The following NBEAL2 variants were observed in gnomAD, a reference collection of about 807,000 sequenced individuals.
NBEAL2 encodes the protein neurobeachin-like protein 2.
NBEAL2 carries 160 observed loss-of-function variants against 299.8 expected under a neutral mutation model. That is an observed-to-expected ratio of 0.53 (90% confidence interval 0.47 to 0.61). The LOEUF is 0.61. Among genes scored for constraint, NBEAL2 ranks in the 20% least tolerant of loss-of-function variants. The pLI is 0.00. For synonymous variants in NBEAL2, 1,493 were observed against 1,542.3 expected (o/e 0.97, Z 0.75); for missense variants, 3,112 against 3,649.0 (o/e 0.85, Z 3.79).
Position 46,996,609 on chromosome 3 carries a change from A to T in NBEAL2, c.2473+17A>T. On this transcript the variant is annotated intron_variant, in intron 16 of 53. Transcript: ENST00000450053. The stretch of plus-strand genomic sequence containing the variant: ...GCACCCTGGGTATGCAGCATTCTCC[A>T]TCTCTGCCACAGCCCCAGGCCAGAA... The T allele has an allele frequency of 6.6e-7, 1 of 1,517,194 alleles. No individual in the cohort carries two copies. The highest frequency in any genetic ancestry group is 8.8e-7 in the Non-Finnish European group (1 of 1,131,884). 94.0% of individuals were successfully genotyped at this position (1,517,194 alleles called of 1,614,324 possible).
In NBEAL2 at chr3:46,995,499, G is replaced by A. The variant is rs776191203; in HGVS notation, c.1764G>A (p.Ala588=). The change falls in exon 13 of 54, where the codon GCG becomes GCA. Residue 588 remains alanine (A), a synonymous_variant. Transcript: ENST00000450053. ...ACTTTGACCTCACGCCCAGCATGGC[G>A]GGCATCATGGTACCCCCTGTACAGC... ...LRYFDLTPSM[A]GIMVPPVQRW... The A allele has an allele frequency of 1.4e-4, 231 of 1,612,762 alleles. No individual in the cohort carries two copies. Among genetic ancestry groups the A allele is most frequent in the Non-Finnish European group, 1.8e-4 (215 of 1,179,900 alleles).
In NBEAL2 at chr3:47,002,268, C is replaced by T. The variant is rs769702311; in HGVS notation, c.5131C>T (p.Arg1711Cys). The T allele has an allele frequency of 8.3e-6, 13 of 1,564,226 alleles. No individual in the cohort carries two copies. The highest frequency in any genetic ancestry group is 3.6e-5 in the South Asian group (3 of 83,920). Residue 1711 changes from arginine to cysteine, a missense_variant, in exon 31 of 54, where the codon CGC (arginine) becomes TGC (cysteine). Around this residue, in one of 3 missense-constraint regions of NBEAL2, gnomAD observed 2,243 missense variants for 2,538.1 expected, o/e 0.88. Transcript: ENST00000450053. ...FQAFCATPEW[R>C]HFIDKQVQPT... ...GGCTTTTTGTGCCACACCCGAATGGCGCCACTTCATCGACAAACAGGTGCC... is the reference window on the plus strand; with the variant it reads ...GGCTTTTTGTGCCACACCCGAATGGTGCCACTTCATCGACAAACAGGTGCC...
Position 46,991,562 on chromosome 3 carries a change from C to T in NBEAL2, c.799C>T (p.Pro267Ser), listed in dbSNP as rs535711389. The change falls in exon 8 of 54, where the codon CCT becomes TCT. Residue 267 changes from proline to serine, a missense_variant. Coordinates refer to ENST00000450053, the MANE Select transcript of NBEAL2 (RefSeq NM_015175.3). The surrounding 1 kb of genome is among the most constrained non-coding windows in gnomAD (Gnocchi z 6.2). ...CCATGTCTTGCATGCCAGCCGCGCACCTCCTCGTGGCCCAGAGCTTCGTGC... is the reference window on the plus strand; with the variant it reads ...CCATGTCTTGCATGCCAGCCGCGCATCTCCTCGTGGCCCAGAGCTTCGTGC... ...AVHVLHASRA[P>S]PRGPELRALL... is the part of the protein sequence containing the mutation. The T allele has an allele frequency of 1.4e-5, 22 of 1,604,364 alleles. No homozygotes were observed. The highest frequency in any genetic ancestry group is 1.7e-5 in the Non-Finnish European group (20 of 1,179,850).
chr3:47,005,646 C>G lies in NBEAL2; in HGVS notation c.6691+27C>G, dbSNP rs970463709. The G allele has an allele frequency of 3.1e-6, 5 of 1,613,076 alleles. No homozygotes were observed. The African/African-American group carries it at 6.7e-5, about 22-fold the overall frequency. The stretch of plus-strand genomic sequence containing the variant: ...TAGGTGTGAGGTGCTCACACTGGAG[C>G]GGGCAGGTGTAGGGATGGAGAGCAG... On this transcript the variant is annotated intron_variant, in intron 41 of 53. Transcript: ENST00000450053.
At position 47,007,659 on chromosome 3, in the gene NBEAL2, C is replaced by A. The variant is rs988120087; in HGVS notation, c.7469C>A (p.Pro2490His). ...WDGSLRVTAL[P>H]RGKLLSQLSC... ...GGCAGCCTGCGGGTGACTGCACTAC[C>A]CCGTGGCAAGCTGTTGAGCCAGCTC... The change falls in exon 48 of 54, where the codon CCC (proline) becomes CAC (histidine). Residue 2490 changes from proline to histidine, a missense_variant. Pro to His is a moderately conservative substitution (Grantham distance 77). Coordinates refer to ENST00000450053, the MANE Select transcript of NBEAL2 (RefSeq NM_015175.3). 1 of 1,610,524 alleles carries A rather than the reference C, an allele frequency of 6.2e-7. No homozygotes were observed. The highest frequency in any genetic ancestry group is 8.5e-7 in the Non-Finnish European group (1 of 1,178,376).
Position 46,989,729 on chromosome 3 carries a change from A to C in NBEAL2, c.556+136A>C. ...GACTGGGAGAACCAAAGACCAAGCA[A>C]GAGTTTAGGGACAGAGACAAGAGAA... On this transcript the variant is annotated intron_variant, in intron 6 of 53. Transcript: ENST00000450053. This position sits in a 1 kb window ranked among gnomAD's most constrained non-coding sequence, Gnocchi z 5.5. 1 of 811,770 alleles carries C rather than the reference A, an allele frequency of 1.2e-6. No individual in the cohort carries two copies. Among genetic ancestry groups the C allele is most frequent in the Non-Finnish European group, 2.0e-6 (1 of 488,526 alleles). The allele number at this position is 811,770 out of a possible 1,614,324, so 50.3% of individuals were successfully genotyped here.
Position 46,998,044 on chromosome 3 carries a change from C to T in NBEAL2, c.2959-23C>T, listed in dbSNP as rs1230615343. 4 of 1,549,860 alleles carry T rather than the reference C, an allele frequency of 2.6e-6. No individual in the cohort carries two copies. The Admixed American group carries it at 5.8e-5, about 23-fold the overall frequency. On this transcript the variant is annotated intron_variant, in intron 20 of 53. Coordinates refer to ENST00000450053, the MANE Select transcript of NBEAL2 (RefSeq NM_015175.3). Reference sequence around the variant, plus strand: ...CAGACAGGCAGAGCCTGAGCCCTCACTCCAGCTCCTGTCTTATCCCAGGTC... The same window carrying T: ...CAGACAGGCAGAGCCTGAGCCCTCATTCCAGCTCCTGTCTTATCCCAGGTC...
Position 46,995,143 on chromosome 3 carries a change from T to C in NBEAL2, c.1408T>C (p.Phe470Leu). 1 of 1,575,328 alleles carries C rather than the reference T, an allele frequency of 6.3e-7. No individual in the cohort carries two copies. The highest frequency in any genetic ancestry group is 2.4e-5 in the East Asian group (1 of 42,434). ...PSLPTAELRL[F>L]LAQRLRWLCD... ...ATTGCCCACCGCTGAGCTGCGGCTC[T>C]TCCTAGCGCAACGCCTCAGGTGGCT... The change falls in exon 13 of 54, where the codon TTC (phenylalanine) becomes CTC (leucine). Residue 470 changes from phenylalanine (F) to leucine (L), a missense_variant. Phe to Leu is a conservative substitution (Grantham distance 22, BLOSUM62 0). Coordinates refer to ENST00000450053, the MANE Select transcript of NBEAL2 (RefSeq NM_015175.3).
chr3:46,996,622 C>A (rs2036520740), intron 16 of NBEAL2, 30 bp downstream of exon 16: 2 of 1,488,704 alleles, frequency 1.3e-6, no homozygotes, highest in African/African-American at 3.1e-5. Flanking sequence ...TCTGCCACAG[C>A]CCCAGGCCAG....
rs1330929226 is a variant in NBEAL2, at chr3:47,000,670, C to T, written c.4305+266C>T. 1.3e-5 allele frequency among the ~76,000 whole-genome samples: 2 copies of T among 152,162 alleles called. No individual in the cohort carries two copies. The highest frequency in any genetic ancestry group is 6.5e-5 in the Admixed American group (1 of 15,278). On this transcript the variant is annotated intron_variant, in intron 27 of 53. Transcript: ENST00000450053. The surrounding 1 kb of genome is among the most constrained non-coding windows in gnomAD (Gnocchi z 4.5). ...CCCTCAAGAGAGCCTGTAGGGCAGACACCTCACAGGGTCCAAGGGCAGCAA... is the reference window on the plus strand; with the variant it reads ...CCCTCAAGAGAGCCTGTAGGGCAGATACCTCACAGGGTCCAAGGGCAGCAA...
chr3:46,999,259 CCCTCCTACAGTAACT>C, intron 24 of NBEAL2, 41 bp from the exon 25 acceptor site: 2 of 1,564,990 alleles, frequency 1.3e-6, no homozygotes, highest in Non-Finnish European at 1.7e-6. Context: ...CGGTGACTTC[CCCTCCTACAGTAACT>C]CCTTCCACAT....
rs1199805866 is a variant in NBEAL2, at chr3:46,999,918, T to C, written c.3819T>C (p.Asp1273=). 10 of 1,610,088 alleles carry C rather than the reference T, an allele frequency of 6.2e-6. No homozygotes were observed. Among genetic ancestry groups the C allele is most frequent in the Non-Finnish European group, 8.5e-6 (10 of 1,177,802 alleles). The change falls in exon 27 of 54, where the codon GAT becomes GAC. Residue 1273 remains aspartate (D), a synonymous_variant. Coordinates refer to ENST00000450053, the MANE Select transcript of NBEAL2 (RefSeq NM_015175.3). ...TCCACCTCATCTACGGACAGCCAGA[T>C]GTAGTGCGGCTTCTGGCCCGACAGG... is the stretch of plus-strand genomic sequence containing the variant. ...QLFHLIYGQP[D]VVRLLARQAG...
At position 46,989,455 on chromosome 3, in the gene NBEAL2, G is replaced by T. The variant is rs984352191; in HGVS notation, c.474-56G>T. The T allele has an allele frequency of 3.2e-6, 5 of 1,565,126 alleles. No homozygotes were observed. In the African/African-American group the frequency reaches 5.4e-5, roughly 17 times the overall value. ...ATGGCCGCGCTGGGCCCAAGGAGGG[G>T]TGACGGCCAGGAGTGGTGAGAGCCG... On this transcript the variant is annotated intron_variant, in intron 5 of 53. Transcript: ENST00000450053. The surrounding 1 kb of genome is among the most constrained non-coding windows in gnomAD (Gnocchi z 5.5).
Position 47,002,373 on chromosome 3 carries a change from A to T in NBEAL2, c.5154A>T (p.Val1718=), listed in dbSNP as rs749355955. 6.2e-7 allele frequency: 1 copy of T among 1,613,580 alleles called. No individual in the cohort carries two copies. Among genetic ancestry groups the T allele is most frequent in the Non-Finnish European group, 8.5e-7 (1 of 1,179,856 alleles). Residue 1718 remains valine, a splice_region_variant and synonymous_variant, in exon 32 of 54, where the codon GTA becomes GTT. Coordinates refer to ENST00000450053, the MANE Select transcript of NBEAL2 (RefSeq NM_015175.3). ...TTCTCCTCTGCCCAATCCTCCAGGT[A>T]CAGCCAACCATGTCCCAGTTCGAAA... ...PEWRHFIDKQ[V]QPTMSQFEMD... is the part of the protein sequence containing the mutation.
At position 47,004,943 on chromosome 3, in the gene NBEAL2, A is replaced by C. The variant is rs747069429; in HGVS notation, c.6295-29A>C. ...GGGCTGGTAGGCCATCAGGGCCCTC[A>C]TGCAGCCCCTGCTCGGGTGGGTGGC... On this transcript the variant is annotated intron_variant, in intron 38 of 53. Coordinates refer to ENST00000450053, the MANE Select transcript of NBEAL2 (RefSeq NM_015175.3). The surrounding 1 kb of genome is among the most constrained non-coding windows in gnomAD (Gnocchi z 5.0). 4.4e-6 allele frequency: 7 copies of C among 1,588,796 alleles called. No homozygotes were observed. The highest frequency in any genetic ancestry group is 5.1e-6 in the Non-Finnish European group (6 of 1,168,040).
chr3:46,998,463 G>A lies in NBEAL2; in HGVS notation c.3119G>A (p.Gly1040Asp). The change falls in exon 22 of 54, where the codon GGT becomes GAT. Residue 1040 changes from glycine (G) to aspartate (D), a missense_variant and splice_region_variant. By Grantham distance (94) the Gly-to-Asp change is moderately conservative. This residue lies in a region of NBEAL2 where 2,243 missense variants were observed against 2,538.1 expected (regional missense o/e 0.88). Coordinates refer to ENST00000450053, the MANE Select transcript of NBEAL2 (RefSeq NM_015175.3). ...GAGCCCTCTGCTCATTCCCGCTCAG[G>A]TCACATCCAGTACATGTCCAGCATA... Reference protein sequence around the residue: ...WTLSDFAVRLGHIQYMSSIVR... With the variant: ...WTLSDFAVRLDHIQYMSSIVR... The A allele has an allele frequency of 6.2e-7, 1 of 1,612,088 alleles. No individual in the cohort carries two copies. The highest frequency in any genetic ancestry group is 1.3e-5 in the African/African-American group (1 of 75,056).
intron 1 of NBEAL2, among the ~76,000 whole-genome samples, chr3:46,981,034 C>T (rs965123868): frequency 5.3e-5 from 8 of 152,228 alleles, no homozygotes; most frequent in South Asian, 4.1e-4. Flanking sequence ...CTCTTCAGTC[C>T]GCTCAGGTTG....
Position 47,001,186 on chromosome 3 carries a change from G to T in NBEAL2, c.4484+7G>T. 1 of 1,607,660 alleles carries T rather than the reference G, an allele frequency of 6.2e-7. No individual in the cohort carries two copies. ...CAGACTGCATCAAGCGCAGGTGAGA[G>T]GGAAAGTCTGGAGGGGGAGGGGCTT... On this transcript the variant is annotated splice_region_variant and intron_variant, in intron 28 of 53. Transcript: ENST00000450053. The surrounding 1 kb of genome is among the most constrained non-coding windows in gnomAD (Gnocchi z 6.1).
At position 46,989,626 on chromosome 3, in the gene NBEAL2, AC is replaced by A. The variant is rs2035942960; in HGVS notation, c.556+38del. On this transcript the variant is annotated intron_variant, in intron 6 of 53. Coordinates refer to ENST00000450053, the MANE Select transcript of NBEAL2 (RefSeq NM_015175.3). The surrounding 1 kb of genome is among the most constrained non-coding windows in gnomAD (Gnocchi z 5.5). ...CCCGCCCCTGCCCCCACTTGGCTCC[AC>A]CCCCAAACCTAGGCCCCTTCCTGTC... 2.6e-6 allele frequency: 4 copies of A among 1,525,776 alleles called. No individual in the cohort carries two copies. Among genetic ancestry groups the A allele is most frequent in the Non-Finnish European group, 3.5e-6 (4 of 1,129,130 alleles). 94.5% of individuals were successfully genotyped at this position (1,525,776 alleles called of 1,614,324 possible).
Sources: gnomAD v4.1 joint callset for allele counts (sites outside exome capture counted in the v4.1 genomes callset) on GRCh38, gnomAD v4.1.1 for gene constraint, gnomAD v4.1.1 regional missense constraint, Gnocchi (gnomAD v3.1) non-coding constraint, MANE v1.5 for transcripts, NCBI Gene and HGNC (gene_info 2026-07-23, HGNC 2026-07-21) for gene names.